FBN3: variants seen among roughly 807,000 people sequenced by gnomAD.
The protein encoded by FBN3 is fibrillin 3.
A neutral mutation model predicts 330.1 loss-of-function variants in FBN3; 234 were observed. That is an observed-to-expected ratio of 0.71 (90% confidence interval 0.64 to 0.79). FBN3 has a LOEUF of 0.79. Ranked by LOEUF, FBN3 falls within the 30% of genes least tolerant of loss-of-function variation. The probability of loss-of-function intolerance (pLI) is 0.00; values close to 1 mark genes in which losing one functional copy is unlikely to be tolerated. For missense variants in FBN3, 3,606 were observed against 3,886.9 expected (o/e 0.93, Z 1.92); for synonymous variants, 1,458 against 1,517.3 (o/e 0.96, Z 0.91).
intron 41 of FBN3, among the ~76,000 whole-genome samples, chr19:8,098,319 T>C (rs1177632611): frequency 6.6e-6 from 1 of 150,808 alleles, no homozygotes; most frequent in African/African-American, 2.4e-5. Flanking sequence ...TAAGTGTCAA[T>C]CAATGGGGGA....
At chr19:8,077,409 C>T (rs903768507) in intron 59 of FBN3, among the ~76,000 whole-genome samples, 32 of 151,306 alleles carry the variant, frequency 2.1e-4, no homozygotes, top group Non-Finnish European at 7.4e-5. Flanking sequence ...GAGGCCGAGG[C>T]GGGCAGATCA....
rs1461699197 is a variant in FBN3, at chr19:8,121,232, C to T, written c.3211+26G>A. The T allele has an allele frequency of 6.4e-7, 1 of 1,570,500 alleles. No homozygotes were observed. Among genetic ancestry groups the T allele is most frequent in the Non-Finnish European group, 8.7e-7 (1 of 1,154,898 alleles). ...TGCCCTCCCTGCCCAGGGCGCCCAC[C>T]ACACCCCTGCCCGGCAGTCACCGAC... On this transcript the variant is annotated intron_variant, in intron 25 of 63. Coordinates refer to ENST00000600128, the MANE Select transcript of FBN3 (RefSeq NM_032447.5). This position sits in a 1 kb window ranked among gnomAD's most constrained non-coding sequence, Gnocchi z 4.5.
chr19:8,091,069 G>A (rs2082085552), intron 48 of FBN3, among the ~76,000 whole-genome samples: 2 of 152,106 alleles, frequency 1.3e-5, no homozygotes, highest in Admixed American at 6.6e-5. Flanking sequence ...TATTGCCCCT[G>A]ACCTGTGAGA....
chr19:8,140,460 T>G (rs1266563596), intron 8 of FBN3, among the ~76,000 whole-genome samples: 2 of 152,116 alleles, frequency 1.3e-5, no homozygotes, highest in Non-Finnish European at 2.9e-5. Flanking sequence ...TAAGAATGTG[T>G]TAAAAGAATT....
intron 22 of FBN3, 76 bp downstream of exon 22, chr19:8,125,816 G>A: frequency 1.4e-6 from 2 of 1,400,430 alleles, no homozygotes; most frequent in Non-Finnish European, 1.9e-6. Flanking sequence ...AATCTCTCCT[G>A]TTCCTCAAGT....
chr19:8,094,538 C>T lies in FBN3; in HGVS notation c.5813G>A (p.Gly1938Glu). The T allele has an allele frequency of 6.2e-7, 1 of 1,613,904 alleles. No individual in the cohort carries two copies. The highest frequency in any genetic ancestry group is 1.3e-5 in the African/African-American group (1 of 75,054). ...VDTNECLSLA[G>E]TCLPGTCQNL... ...CTGGCAAGTGCCGGGTAGGCAGGTT[C>T]CTGCAAGGCTGAGGCACTCATTGGT... Residue 1938 changes from glycine to glutamate, a missense_variant, in exon 47 of 64, where the codon GGA becomes GAA. Gly to Glu is a moderately conservative substitution (Grantham distance 98). Transcript: ENST00000600128.
chr19:8,111,824 C>T (rs1045857365), intron 31 of FBN3, 54 bp from the exon 32 acceptor site: 44 of 1,590,474 alleles, frequency 2.8e-5, no homozygotes, highest in Non-Finnish European at 3.5e-5. Flanking sequence ...ATTGGGTGGG[C>T]GCAGAAGGGA....
Position 8,085,461 on chromosome 19 carries a change from C to T in FBN3, c.6989G>A (p.Arg2330Gln), listed in dbSNP as rs757071494. ...GAGCTCGCAGCGGGGCCCCCAGCCC[C>T]GGCCACCCCCACAGCAGCACTCGGC... ...TRAECCCGGG[R>Q]GWGPRCELCP... Residue 2330 changes from arginine (R) to glutamine (Q), a missense_variant, in exon 56 of 64, where the codon CGG (arginine) becomes CAG (glutamine). Arg to Gln is a conservative substitution (Grantham distance 43, BLOSUM62 1). Transcript: ENST00000600128. 1.5e-5 allele frequency: 24 copies of T among 1,579,224 alleles called. No homozygotes were observed. The highest frequency in any genetic ancestry group is 5.5e-5 in the Admixed American group (3 of 54,228).
rs987055128 is a variant in FBN3, at chr19:8,071,794, C to T, written c.8088+254G>A. Among the ~76,000 whole-genome samples the T allele has an allele frequency of 3.9e-5, 6 of 152,072 alleles. 1 individual carries two copies. Among genetic ancestry groups the T allele is most frequent in the South Asian group, 2.1e-4 (1 of 4,826 alleles). ...GCCCGGCCAGGGTCTGTATGGAAGA[C>T]GCCTGACTTGTCACCAGGAGTGAGG... On this transcript the variant is annotated intron_variant, in intron 63 of 63. Coordinates refer to ENST00000600128, the MANE Select transcript of FBN3 (RefSeq NM_032447.5).
At chr19:8,078,765 T>A (rs2144605736) in intron 59 of FBN3, among the ~76,000 whole-genome samples, 1 of 145,036 alleles carries the variant, frequency 6.9e-6, no homozygotes, top group Non-Finnish European at 1.5e-5. Context: ...TTCAAGAGTC[T>A]TTGTTCAAAT....
Position 8,112,055 on chromosome 19 carries a change from C to T in FBN3, c.3883G>A (p.Ala1295Thr), listed in dbSNP as rs770795850. The T allele has an allele frequency of 1.9e-5, 30 of 1,613,134 alleles. No homozygotes were observed. The South Asian group carries it at 2.5e-4, about 14-fold the overall frequency. The change falls in exon 31 of 64, where the codon GCC (alanine) becomes ACC (threonine). Residue 1295 changes from alanine to threonine, a missense_variant. Physicochemically the swap from Ala to Thr is moderately conservative, Grantham distance 58 (BLOSUM62 0). Transcript: ENST00000600128. Reference sequence around the variant, plus strand: ...CTCCCCGGGATGTTGAGACAGGAGGCGTGACTGTCACAGTTGTGTCCTCCA... The same window carrying T: ...CTCCCCGGGATGTTGAGACAGGAGGTGTGACTGTCACAGTTGTGTCCTCCA... ...EVGGHNCDSH[A>T]SCLNIPGSFS...
In FBN3 at chr19:8,111,067, C is replaced by T. The variant is rs1001364230; in HGVS notation, c.4201G>A (p.Ala1401Thr). 3 of 1,612,666 alleles carry T rather than the reference C, an allele frequency of 1.9e-6. No homozygotes were observed. In the African/African-American group the frequency reaches 4.0e-5, roughly 22 times the overall value. The change falls in exon 33 of 64, where the codon GCC becomes ACC. Residue 1401 changes from alanine (A) to threonine (T), a missense_variant. Ala to Thr is a moderately conservative substitution (Grantham distance 58, BLOSUM62 0). Transcript: ENST00000600128. ...GCGGGCCCAACCTTACCCTGGCAGG[C>T]CCGGTGGTCCTCGGTGGGGTCAAAG... ...MGFDPTEDHR[A>T]CQDVDECAQG... is the part of the protein sequence containing the mutation.
chr19:8,135,936 G>GGCACCCCCCCCC, intron 13 of FBN3, 25 bp downstream of exon 13: 3 of 668,778 alleles, frequency 4.5e-6, no homozygotes, highest in Non-Finnish European at 7.2e-6. Context: ...GGAAGCCCCT[G>GGCACCCCCCCCC]CCCACCCGCC....
intron 63 of FBN3, among the ~76,000 whole-genome samples, chr19:8,071,357 G>A (rs571263017): frequency 2.1e-4 from 32 of 152,322 alleles, no homozygotes; most frequent in Non-Finnish European, 4.6e-4. Flanking sequence ...AGACAAGGCA[G>A]GTTCAGGAAC....
intron 18 of FBN3, among the ~76,000 whole-genome samples, chr19:8,127,591 G>T (rs2083023955): frequency 6.6e-6 from 1 of 152,178 alleles, no homozygotes; most frequent in Non-Finnish European, 1.5e-5. Context: ...GCAAATCGGG[G>T]CCTCCAGAAT....
intron 33 of FBN3, 24 bp from the exon 34 acceptor site, chr19:8,110,991 G>A: frequency 6.2e-7 from 1 of 1,614,168 alleles, no homozygotes; most frequent in Non-Finnish European, 8.5e-7. Flanking sequence ...GGGTCAGCCT[G>A]CCCCACCCAG....
At chr19:8,094,617 C>T (rs771137285) in intron 46 of FBN3, 52 bp from the exon 47 acceptor site, 1 of 1,580,862 alleles carries the variant, frequency 6.3e-7, no homozygotes, top group East Asian at 2.3e-5. Context: ...GCAGGGGGCT[C>T]ACTTGGGACT....
chr19:8,075,400 A>T lies in FBN3; in HGVS notation c.7465T>A (p.Cys2489Ser), dbSNP rs1343807963. 9 of 1,613,562 alleles carry T rather than the reference A, an allele frequency of 5.6e-6. No homozygotes were observed. Among genetic ancestry groups the T allele is most frequent in the Admixed American group, 1.7e-5 (1 of 59,976 alleles). Residue 2489 changes from cysteine (C) to serine (S), a missense_variant, in exon 60 of 64, where the codon TGC (cysteine) becomes AGC (serine). By Grantham distance (112) the Cys-to-Ser change is moderately radical (BLOSUM62 -1). Transcript: ENST00000600128. Reference protein sequence around the residue: ...HHQACFDNDECSAQPGPCGAH... With the variant: ...HHQACFDNDESSAQPGPCGAH... ...CCACATGGGCCAGGCTGGGCTGAGC[A>T]CTCATCATTGTCTGCAGAGGAGAGA... is the stretch of plus-strand genomic sequence containing the variant.
At chr19:8,122,717 T>C (rs1322949193) in intron 24 of FBN3, among the ~76,000 whole-genome samples, 3 of 147,710 alleles carry the variant, frequency 2.0e-5, no homozygotes, top group African/African-American at 7.6e-5. Context: ...CAGGCTGGAG[T>C]GCAGTGGCAT....
Sources: allele counts gnomAD v4.1 joint callset (sites outside exome capture counted in the v4.1 genomes callset), GRCh38; gene constraint gnomAD v4.1.1; non-coding constraint Gnocchi (gnomAD v3.1); transcripts MANE v1.5; gene names NCBI Gene and HGNC (gene_info 2026-07-23, HGNC 2026-07-21).